Variants in PCDHA10 observed in about 807,000 individuals in gnomAD.
PCDHA10 encodes protocadherin alpha-10.
A neutral mutation model predicts 61.2 loss-of-function variants in PCDHA10; 45 were observed. The observed-to-expected ratio is 0.74, with a 90% CI of 0.58 to 0.94. The LOEUF (loss-of-function observed/expected upper bound fraction) is 0.94. Ranked by LOEUF, PCDHA10 falls within the 40% of genes least tolerant of loss-of-function variation. The pLI, the probability that PCDHA10 is intolerant of heterozygous loss-of-function variation, is 0.00. For missense variants in PCDHA10, 1,278 were observed against 1,236.2 expected (o/e 1.03, Z -0.51); for synonymous variants, 602 against 548.8 (o/e 1.10, Z -1.35).
At chr5:140,897,915 T>C (rs2066399470) in intron 1 of PCDHA10, among the ~76,000 whole-genome samples, 1 of 152,246 alleles carries the variant, frequency 6.6e-6, no homozygotes. Context: ...ATTGTGGTTT[T>C]GATTTGCGTT....
chr5:140,877,334 C>A (rs375199455), intron 1 of PCDHA10: 13 of 1,614,002 alleles, frequency 8.1e-6, no homozygotes, highest in Non-Finnish European at 1.0e-5. Flanking sequence ...GCGCACATCC[C>A]GTTCCACGTG....
chr5:140,927,740 G>A (rs782665573), intron 1 of PCDHA10: 5 of 1,614,206 alleles, frequency 3.1e-6, no homozygotes, highest in Middle Eastern at 1.6e-4. Context: ...CTGCGACACC[G>A]CTTTCACGTG....
chr5:140,876,477 G>A, intron 1 of PCDHA10: 1 of 1,614,034 alleles, frequency 6.2e-7, no homozygotes, highest in Non-Finnish European at 8.5e-7. Flanking sequence ...GTCACAGCAT[G>A]GTCCTGGTGG....
intron 1 of PCDHA10, among the ~76,000 whole-genome samples, chr5:140,910,128 T>C (rs2074896985): frequency 6.6e-6 from 1 of 152,238 alleles, no homozygotes; most frequent in African/African-American, 2.4e-5. Flanking sequence ...GTCTGTAAAC[T>C]GGTTTAAGTC....
chr5:140,872,338 A>T (rs970096150), intron 1 of PCDHA10, among the ~76,000 whole-genome samples: 2 of 152,156 alleles, frequency 1.3e-5, no homozygotes, highest in Non-Finnish European at 2.9e-5. Context: ...AAAATTCTAC[A>T]TGTTCTTGCC....
At chr5:140,878,586 C>T (rs1020008029) in intron 1 of PCDHA10, among the ~76,000 whole-genome samples, 9 of 152,164 alleles carry the variant, frequency 5.9e-5, no homozygotes, top group Non-Finnish European at 1.3e-4. Context: ...TGCCCTGTGC[C>T]TATTACCAAG....
At chr5:141,004,935 A>AATTTCTT (rs2098189293) in intron 3 of PCDHA10, among the ~76,000 whole-genome samples, 1 of 152,112 alleles carries the variant, frequency 6.6e-6, no homozygotes, top group African/African-American at 2.4e-5. Context: ...GAGAGAAGAA[A>AATTTCTT]ATTTCTTACC....
chr5:140,939,195 C>T (rs1554212604), intron 1 of PCDHA10, among the ~76,000 whole-genome samples: 1 of 152,122 alleles, frequency 6.6e-6, no homozygotes, highest in East Asian at 1.9e-4. Flanking sequence ...GTTCATAAAA[C>T]AGAATGTCAC....
intron 1 of PCDHA10, among the ~76,000 whole-genome samples, chr5:140,976,093 A>G (rs782314077): frequency 6.6e-6 from 1 of 152,238 alleles, no homozygotes; most frequent in African/African-American, 2.4e-5. Context: ...TCAGTAGTCA[A>G]CTTTTCAACT....
rs371246236 is a variant in PCDHA10 at position 140,876,855 on chromosome 5, A to G, written c.2388+18419A>G. ...CTGCGTTCGCGCAGCCCGAGTACACAGTGTTCGTGAAGGAGAACAACCCGC... is the reference window on the plus strand; with the variant it reads ...CTGCGTTCGCGCAGCCCGAGTACACGGTGTTCGTGAAGGAGAACAACCCGC... On this transcript the variant is annotated intron_variant, in intron 1 of 3. Coordinates refer to ENST00000307360, the MANE Select transcript of PCDHA10 (RefSeq NM_018901.4). The G allele has an allele frequency of 2.0e-4, 322 of 1,614,052 alleles. 4 individuals are homozygous for G. The East Asian group carries it at 3.4e-3, about 17-fold the overall frequency.
At chr5:140,862,509 T>C in intron 1 of PCDHA10, 1 of 405,718 alleles carries the variant, frequency 2.5e-6, no homozygotes, top group Non-Finnish European at 5.0e-6. Context: ...GGGGACTCGC[T>C]TTCATTGTTG....
At chr5:141,002,342 C>A (rs1047277199) in intron 3 of PCDHA10, among the ~76,000 whole-genome samples, 3 of 152,070 alleles carry the variant, frequency 2.0e-5, no homozygotes, top group African/African-American at 4.8e-5. Flanking sequence ...CGCACCCCTT[C>A]CCCCACCTCC....
chr5:140,990,172 TGA>T (rs1341832599), intron 3 of PCDHA10, among the ~76,000 whole-genome samples: 1 of 152,022 alleles, frequency 6.6e-6, no homozygotes, highest in Non-Finnish European at 1.5e-5. Context: ...TATGAAAAGG[TGA>T]CTTTTAAGAA....
chr5:141,001,764 G>A (rs1186356180), intron 3 of PCDHA10, among the ~76,000 whole-genome samples: 1 of 152,160 alleles, frequency 6.6e-6, no homozygotes, highest in East Asian at 1.9e-4. Context: ...GATGGCGGAT[G>A]GTTTTTGCCT....
intron 3 of PCDHA10, among the ~76,000 whole-genome samples, chr5:140,985,009 C>T (rs567801905): frequency 9.3e-4 from 141 of 152,162 alleles, no homozygotes; most frequent in African/African-American, 3.3e-3. Flanking sequence ...ACGATATCGG[C>T]TCACAGCAAC....
At chr5:140,957,398 TTTA>T (rs2095356378) in intron 1 of PCDHA10, among the ~76,000 whole-genome samples, 1 of 152,304 alleles carries the variant, frequency 6.6e-6, no homozygotes, top group South Asian at 2.1e-4. Context: ...ATTGTCCTAA[TTTA>T]TTATTATTGT....
intron 1 of PCDHA10, chr5:140,967,680 GGCAGCTCTTCA>G: frequency 6.2e-7 from 1 of 1,614,228 alleles, no homozygotes; most frequent in East Asian, 2.2e-5. Flanking sequence ...GACCGGGAGA[GGCAGCTCTTCA>G]GCATAGATGC....
At chr5:140,921,091 C>G (rs893367475) in intron 1 of PCDHA10, among the ~76,000 whole-genome samples, 1 of 152,022 alleles carries the variant, frequency 6.6e-6, no homozygotes, top group Admixed American at 6.5e-5. Flanking sequence ...GAGAATCCTC[C>G]TGCCTCAGTC....
intron 1 of PCDHA10, among the ~76,000 whole-genome samples, chr5:140,918,680 C>T (rs1291001659): frequency 6.6e-6 from 1 of 152,084 alleles, no homozygotes; most frequent in Non-Finnish European, 1.5e-5. Flanking sequence ...GAGGTGAGAC[C>T]TTTCAAACAT....
Sources: allele counts gnomAD v4.1 joint callset (sites outside exome capture counted in the v4.1 genomes callset), GRCh38; gene constraint gnomAD v4.1.1; transcripts MANE v1.5; gene names NCBI Gene and HGNC (gene_info 2026-07-23, HGNC 2026-07-21).